The following WNK2 variants were observed in gnomAD, a reference collection of about 807,000 sequenced individuals.
The protein encoded by WNK2 is WNK lysine deficient protein kinase 2.
In WNK2, 67 loss-of-function variants were observed where a neutral mutation model predicts 192.1. That is an observed-to-expected ratio of 0.35 (90% CI 0.29 to 0.43). The LOEUF is 0.43. Ranked by LOEUF, WNK2 falls within the 20% of genes least tolerant of loss-of-function variation. The pLI, the probability that WNK2 is intolerant of heterozygous loss-of-function variation, is 1.00. For missense variants in WNK2, 2,698 were observed against 3,089.7 expected, an observed-to-expected ratio of 0.87 and a Z score of 3.01; for synonymous variants, 1,439 against 1,393.9, an observed-to-expected ratio of 1.03 and a Z score of -0.72.
rs753326828 is a variant in WNK2, at chr9:93,268,684, C to T, written c.3971C>T (p.Pro1324Leu). Residue 1324 changes from proline (P) to leucine (L), a missense_variant, in exon 19 of 30, where the codon CCC (proline) becomes CTC (leucine). By Grantham distance (98) the Pro-to-Leu change is moderately conservative. This residue lies in a region of WNK2 where 1,098 missense variants were observed against 1,101.0 expected (regional missense o/e 1.00). Transcript: ENST00000427277. ...TGTCCGGTGGCTGAGCACCCCGCCC[C>T]CGAGGCCCCTGAATCTTCGCCCCCA... Reference protein sequence around the residue: ...IICPVAEHPAPEAPESSPPLP... With the variant: ...IICPVAEHPALEAPESSPPLP... The T allele has an allele frequency of 1.4e-5, 22 of 1,613,438 alleles. No homozygotes were observed. Among genetic ancestry groups the T allele is most frequent in the East Asian group, 4.5e-5 (2 of 44,854 alleles).
chr9:93,225,258 T>TGGTA (rs1384590550), intron 2 of WNK2, among the ~76,000 whole-genome samples: 14 of 152,228 alleles, frequency 9.2e-5, no homozygotes, highest in African/African-American at 3.4e-4. Flanking sequence ...TTAGCCAGCG[T>TGGTA]GGTAGCATGT....
intron 5 of WNK2, among the ~76,000 whole-genome samples, chr9:93,236,530 A>T (rs1240346882): frequency 1.3e-5 from 2 of 152,252 alleles, no homozygotes; most frequent in South Asian, 2.1e-4. Flanking sequence ...AAAATTTTTT[A>T]AAATTAGTTG....
At chr9:93,291,107 A>G (rs935039818) in intron 21 of WNK2, among the ~76,000 whole-genome samples, 5 of 152,204 alleles carry the variant, frequency 3.3e-5, no homozygotes, top group Non-Finnish European at 5.9e-5. Flanking sequence ...CACGCAGAGA[A>G]CTGGTGATGT....
intron 18 of WNK2, 134 bp downstream of exon 18, chr9:93,268,199 G>T: frequency 8.2e-7 from 1 of 1,223,466 alleles, no homozygotes; most frequent in South Asian, 1.4e-5. Flanking sequence ...CCAGTCTGGG[G>T]ACAGCTGCCC....
intron 8 of WNK2, among the ~76,000 whole-genome samples, chr9:93,251,435 G>A (rs1307104360): frequency 2.6e-5 from 4 of 152,148 alleles, no homozygotes; most frequent in Non-Finnish European, 5.9e-5. Context: ...CTTTAAATAT[G>A]TAAAATGTGG....
chr9:93,306,936 C>G (rs1852677171), intron 27 of WNK2, 115 bp downstream of exon 27: 1 of 1,322,230 alleles, frequency 7.6e-7, no homozygotes. Context: ...TGTGCCTGCC[C>G]CGCGCCTGCT....
intron 2 of WNK2, among the ~76,000 whole-genome samples, chr9:93,189,996 T>G (rs1830043302): frequency 6.6e-6 from 1 of 152,340 alleles, no homozygotes; most frequent in South Asian, 2.1e-4. Flanking sequence ...TTGACCCGAT[T>G]TGGCTGGTGG....
rs1034672756 is a variant in WNK2, at chr9:93,290,158, T to G, written c.4936+111T>G. Reference sequence around the variant, plus strand: ...TTCATCTGTTAAGGCATAAAAGCATTTCTTAAAGATCCTTTTATCTGTAAG... The same window carrying G: ...TTCATCTGTTAAGGCATAAAAGCATGTCTTAAAGATCCTTTTATCTGTAAG... On this transcript the variant is annotated intron_variant, in intron 21 of 29. Transcript: ENST00000427277. The G allele has an allele frequency of 2.3e-5, 22 of 945,124 alleles. No individual in the cohort carries two copies. In the East Asian group the frequency reaches 4.0e-4, roughly 17 times the overall value. 58.5% of individuals were successfully genotyped at this position (945,124 alleles called of 1,614,324 possible). A position where few individuals can be genotyped will look rare whatever the true frequency, so the allele number is the denominator to read the frequency against.
Position 93,308,572 on chromosome 9 carries a change from C to G in WNK2, c.6504C>G (p.Gly2168=). 8.4e-6 allele frequency: 10 copies of G among 1,196,576 alleles called. No individual in the cohort carries two copies. The highest frequency in any genetic ancestry group is 1.1e-5 in the Non-Finnish European group (10 of 870,790). 74.1% of individuals were successfully genotyped at this position (1,196,576 alleles called of 1,614,324 possible). A position where few individuals can be genotyped will look rare whatever the true frequency, so the allele number is the denominator to read the frequency against. Residue 2168 remains glycine (G), a synonymous_variant, in exon 28 of 30, where the codon GGC becomes GGG. Transcript: ENST00000427277. The part of the protein sequence containing the change: ...MEAQAGWAAP[G]EARAMTAPRA... ...CCCAGGCAGGCTGGGCTGCCCCTGG[C>G]GAGGCGCGGGCTGTGAGTGCGGGGC...
At chr9:93,199,399 G>T (rs553639025) in intron 2 of WNK2, among the ~76,000 whole-genome samples, 1 of 152,210 alleles carries the variant, frequency 6.6e-6, no homozygotes, top group Non-Finnish European at 1.5e-5. Flanking sequence ...CCTGCTGGCG[G>T]CTGGGCTTGG....
At chr9:93,250,448 T>C (rs1291990722) in intron 8 of WNK2, among the ~76,000 whole-genome samples, 1 of 152,242 alleles carries the variant, frequency 6.6e-6, no homozygotes, top group East Asian at 1.9e-4. Flanking sequence ...TATCCCCTTC[T>C]GTTTCATAAT....
intron 23 of WNK2, among the ~76,000 whole-genome samples, chr9:93,295,324 T>C (rs952976243): frequency 2.6e-5 from 4 of 152,192 alleles, no homozygotes; most frequent in African/African-American, 7.2e-5. Flanking sequence ...GTCAGCACTC[T>C]CTTGAAATAG....
chr9:93,305,952 G>T (rs10992701), intron 26 of WNK2, among the ~76,000 whole-genome samples: 27,548 of 151,842 alleles, frequency 0.18, 2,897 homozygotes, highest in South Asian at 0.47. Flanking sequence ...AGGATAAGCA[G>T]GGATGGCCGT....
In WNK2 at chr9:93,239,926, T is replaced by C. The variant is rs139083567; in HGVS notation, c.1492T>C (p.Phe498Leu). The stretch of plus-strand genomic sequence containing the variant: ...GCCCAAGGACAATGGAGCCATAGAG[T>C]TCACCTTCGACCTGGAGAAGGAGAC... ...GKPKDNGAIE[F>L]TFDLEKETPD... The change falls in exon 7 of 30, where the codon TTC becomes CTC. Residue 498 changes from phenylalanine (F) to leucine (L), a missense_variant. By Grantham distance (22) the Phe-to-Leu change is conservative (BLOSUM62 0). Around this residue, in one of 7 missense-constraint regions of WNK2, gnomAD observed 230 missense variants for 501.1 expected, o/e 0.46. Coordinates refer to ENST00000427277, the MANE Select transcript of WNK2 (RefSeq NM_006648.4). This position sits in a 1 kb window ranked among gnomAD's most constrained non-coding sequence, Gnocchi z 4.2. The C allele has an allele frequency of 6.2e-7, 1 of 1,612,082 alleles. No homozygotes were observed. Among genetic ancestry groups the C allele is most frequent in the Middle Eastern group, 1.6e-4 (1 of 6,062 alleles).
At chr9:93,208,827 C>T (rs1015662294) in intron 2 of WNK2, among the ~76,000 whole-genome samples, 4 of 7,406 alleles carry the variant, frequency 5.4e-4, no homozygotes, top group African/African-American at 2.3e-3. Flanking sequence ...GCATGTTCTT[C>T]GTGTGTGTTC....
chr9:93,247,899 T>G lies in WNK2; in HGVS notation c.1834+65T>G. On this transcript the variant is annotated intron_variant, in intron 8 of 29. Transcript: ENST00000427277. The surrounding 1 kb of genome is among the most constrained non-coding windows in gnomAD (Gnocchi z 5.2). ...CACCTACCCTGCAAAAACCAGCTATTGGGCAAAGAAAAATGAAGTCCTCTC... is the reference window on the plus strand; with the variant it reads ...CACCTACCCTGCAAAAACCAGCTATGGGGCAAAGAAAAATGAAGTCCTCTC... The G allele has an allele frequency of 1.3e-6, 2 of 1,481,726 alleles. No individual in the cohort carries two copies. Among genetic ancestry groups the G allele is most frequent in the Non-Finnish European group, 1.8e-6 (2 of 1,116,006 alleles). 91.8% of individuals were successfully genotyped at this position (1,481,726 alleles called of 1,614,324 possible). A position where few individuals can be genotyped will look rare whatever the true frequency, so the allele number is the denominator to read the frequency against.
chr9:93,308,595 G>A lies in WNK2; in HGVS notation c.6516+11G>A. On this transcript the variant is annotated intron_variant, in intron 28 of 29. Coordinates refer to ENST00000427277, the MANE Select transcript of WNK2 (RefSeq NM_006648.4). ...GGCGAGGCGCGGGCTGTGAGTGCGG[G>A]GCGGGTGGGGCGGGTGCTCCTGGGG... The A allele has an allele frequency of 6.5e-7, 1 of 1,533,556 alleles. No individual in the cohort carries two copies. Among genetic ancestry groups the A allele is most frequent in the South Asian group, 1.2e-5 (1 of 82,582 alleles). The allele number at this position is 1,533,556 out of a possible 1,614,324, so 95.0% of individuals were successfully genotyped here.
chr9:93,235,743 A>G (rs913688465), intron 5 of WNK2, among the ~76,000 whole-genome samples: 1 of 152,176 alleles, frequency 6.6e-6, no homozygotes, highest in Admixed American at 6.5e-5. Context: ...TGATCCCTGC[A>G]GTCCCTGCTG....
chr9:93,227,097 C>T (rs575251325), intron 2 of WNK2, among the ~76,000 whole-genome samples: 19 of 151,180 alleles, frequency 1.3e-4, no homozygotes, highest in African/African-American at 4.6e-4. Flanking sequence ...CCCAGCCTCC[C>T]AGCAGCTGGA....
Sources: gnomAD v4.1 joint callset for allele counts (sites outside exome capture counted in the v4.1 genomes callset) on GRCh38, gnomAD v4.1.1 for gene constraint, gnomAD v4.1.1 regional missense constraint, Gnocchi (gnomAD v3.1) non-coding constraint, MANE v1.5 for transcripts, NCBI Gene and HGNC (gene_info 2026-07-23, HGNC 2026-07-21) for gene names.